B4GALT5: variants seen among roughly 807,000 people sequenced by gnomAD.
B4GALT5 encodes the protein beta-1,4-galactosyltransferase 5.
In B4GALT5, 11 loss-of-function variants were observed where a neutral mutation model predicts 45.0. The ratio of observed to expected loss-of-function variants is 0.24; its 90% CI spans 0.15 to 0.40. B4GALT5 has a LOEUF of 0.40. Ranked by LOEUF, B4GALT5 falls within the 10% of genes least tolerant of loss-of-function variation. B4GALT5 has a pLI of 1.00. For synonymous variants in B4GALT5, 185 were observed against 182.9 expected (o/e 1.01, Z -0.09); for missense variants, 337 against 500.2 (o/e 0.67, Z 3.11).
chr20:49,670,103 T>C (rs968311867), intron 1 of B4GALT5, among the ~76,000 whole-genome samples: 1 of 152,232 alleles, frequency 6.6e-6, no homozygotes, highest in African/African-American at 2.4e-5. Context: ...TTTTCTTCTC[T>C]AATAAACTTG....
chr20:49,666,080 G>C (rs367652457), intron 1 of B4GALT5, among the ~76,000 whole-genome samples: 2 of 152,010 alleles, frequency 1.3e-5, no homozygotes, highest in Non-Finnish European at 2.9e-5. Context: ...GGTATCAATC[G>C]GAACAAGTAA....
chr20:49,646,212 C>T (rs1381687342), intron 3 of B4GALT5, among the ~76,000 whole-genome samples: 3 of 152,012 alleles, frequency 2.0e-5, no homozygotes, highest in Non-Finnish European at 4.4e-5. Flanking sequence ...GTTCATCTAC[C>T]ATTAAAGACA....
chr20:49,663,686 AAAAAATATATACATATATAT>A (rs1393081135), intron 1 of B4GALT5, among the ~76,000 whole-genome samples: 2 of 7,540 alleles, frequency 2.7e-4, no homozygotes, highest in African/African-American at 6.3e-4. Flanking sequence ...AAAAAAAAAA[AAAAAATATATACATATATAT>A]ATATATATAT....
intron 1 of B4GALT5, among the ~76,000 whole-genome samples, chr20:49,668,607 G>T (rs948389717): frequency 1.4e-5 from 2 of 145,550 alleles, no homozygotes; most frequent in Non-Finnish European, 3.0e-5. Context: ...GGGGTGGGGG[G>T]GGCGTCAGGG....
chr20:49,646,652 T>A (rs2085600269), intron 3 of B4GALT5, among the ~76,000 whole-genome samples: 1 of 152,160 alleles, frequency 6.6e-6, no homozygotes, highest in African/African-American at 2.4e-5. Flanking sequence ...TCTCAGAAAG[T>A]ACCCTCGTTG....
At chr20:49,643,708 C>T in intron 3 of B4GALT5, 58 bp from the exon 4 acceptor site, 1 of 1,573,206 alleles carries the variant, frequency 6.4e-7, no homozygotes, top group Non-Finnish European at 8.7e-7. Context: ...TTTCCCTATG[C>T]CTGGGGTTTT....
chr20:49,670,222 T>C (rs1446387364), intron 1 of B4GALT5, among the ~76,000 whole-genome samples: 2 of 152,320 alleles, frequency 1.3e-5, no homozygotes, highest in East Asian at 3.9e-4. Context: ...ACACCTTATG[T>C]ATAATATTTA....
At chr20:49,698,528 T>G (rs1600555602) in intron 1 of B4GALT5, among the ~76,000 whole-genome samples, 2 of 152,080 alleles carry the variant, frequency 1.3e-5, no homozygotes, top group East Asian at 1.9e-4. Context: ...AATGAAAAAG[T>G]CAGGTATGCC....
Position 49,643,573 on chromosome 20 carries a change from T to G in B4GALT5, c.442A>C (p.Lys148Gln). ...HELFSKDPTI[K>Q]LGGHWKPSDC... Reference sequence around the variant, plus strand: ...GAAGGCTTCCAGTGACCTCCGAGCTTGATGGTTGGGTCTTTGGAGAAGAGT... The same window carrying G: ...GAAGGCTTCCAGTGACCTCCGAGCTGGATGGTTGGGTCTTTGGAGAAGAGT... The change falls in exon 4 of 9, where the codon AAG (lysine) becomes CAG (glutamine). Residue 148 changes from lysine (K) to glutamine (Q), a missense_variant. Physicochemically the swap from Lys to Gln is moderately conservative, Grantham distance 53. Transcript: ENST00000371711. The G allele has an allele frequency of 1.2e-6, 2 of 1,613,896 alleles. No individual in the cohort carries two copies. Among genetic ancestry groups the G allele is most frequent in the Non-Finnish European group, 1.7e-6 (2 of 1,179,950 alleles).
At chr20:49,678,466 T>C (rs1482677013) in intron 1 of B4GALT5, among the ~76,000 whole-genome samples, 1 of 152,212 alleles carries the variant, frequency 6.6e-6, no homozygotes, top group Non-Finnish European at 1.5e-5. Context: ...CTATTCTAGC[T>C]GCAAGACAGG....
At chr20:49,701,492 T>G (rs886562773) in intron 1 of B4GALT5, among the ~76,000 whole-genome samples, 1 of 152,164 alleles carries the variant, frequency 6.6e-6, no homozygotes, top group Non-Finnish European at 1.5e-5. Flanking sequence ...AAAAAAACCC[T>G]GTGCACACAT....
intron 1 of B4GALT5, among the ~76,000 whole-genome samples, chr20:49,689,665 C>T (rs1000147848): frequency 1.3e-5 from 2 of 152,148 alleles, no homozygotes; most frequent in African/African-American, 4.8e-5. Context: ...TCCTGCTAAA[C>T]ACTTCAACAT....
chr20:49,684,420 G>A (rs1417624992), intron 1 of B4GALT5, among the ~76,000 whole-genome samples: 1 of 152,052 alleles, frequency 6.6e-6, no homozygotes, highest in Non-Finnish European at 1.5e-5. Context: ...AAAATTAGCT[G>A]AGCGTGGCAG....
chr20:49,663,677 A>AG, intron 1 of B4GALT5, among the ~76,000 whole-genome samples: 1 of 65,322 alleles, frequency 1.5e-5, no homozygotes, highest in Non-Finnish European at 2.9e-5. Flanking sequence ...CATCTCAAGA[A>AG]AAAAAAAAAA....
chr20:49,637,772 T>TAA (rs200578529), intron 7 of B4GALT5, among the ~76,000 whole-genome samples: 4 of 134,078 alleles, frequency 3.0e-5, no homozygotes, highest in African/African-American at 2.8e-5. Context: ...CATCTCTACT[T>TAA]AAAAAAAAAA....
chr20:49,655,279 A>C (rs1449325259), intron 2 of B4GALT5, among the ~76,000 whole-genome samples: 1 of 151,586 alleles, frequency 6.6e-6, no homozygotes, highest in Non-Finnish European at 1.5e-5. Context: ...AAAAATACAA[A>C]AGTTAGCCAG....
At position 49,634,013 on chromosome 20, in the gene B4GALT5, T is replaced by C. The variant is rs530920005; in HGVS notation, c.*2299A>G. The C allele has an allele frequency of 1.3e-5, 2 of 152,742 alleles. No individual in the cohort carries two copies. Among genetic ancestry groups the C allele is most frequent in the South Asian group, 4.1e-4 (2 of 4,828 alleles). 9.5% of individuals were successfully genotyped at this position (152,742 alleles called of 1,614,324 possible). Reference sequence around the variant, plus strand: ...CAAAGGAAAACCAAATGAACTTCTGTGTGTAATGTTCACTTGTGAAGGTAT... The same window carrying C: ...CAAAGGAAAACCAAATGAACTTCTGCGTGTAATGTTCACTTGTGAAGGTAT... On this transcript the variant is annotated 3_prime_UTR_variant, in exon 9 of 9. Coordinates refer to ENST00000371711, the MANE Select transcript of B4GALT5 (RefSeq NM_004776.4).
chr20:49,681,216 T>A (rs1315356510), intron 1 of B4GALT5, among the ~76,000 whole-genome samples: 30 of 72,418 alleles, frequency 4.1e-4, no homozygotes, highest in South Asian at 5.5e-4. Context: ...ACCCCATCTC[T>A]AAAAAAAAAA....
At chr20:49,644,348 A>G (rs927720105) in intron 3 of B4GALT5, among the ~76,000 whole-genome samples, 1 of 152,096 alleles carries the variant, frequency 6.6e-6, no homozygotes, top group Non-Finnish European at 1.5e-5. Flanking sequence ...GGCCTCCCAA[A>G]GTGCTGGGAT....
Sources: gnomAD v4.1 joint callset for allele counts (sites outside exome capture counted in the v4.1 genomes callset) on GRCh38, gnomAD v4.1.1 for gene constraint, MANE v1.5 for transcripts, NCBI Gene and HGNC (gene_info 2026-07-23, HGNC 2026-07-21) for gene names.